Variants in SOX30 observed in about 807,000 individuals in gnomAD.
The protein encoded by SOX30 is SRY-box transcription factor 30.
Under a neutral mutation model 58.6 loss-of-function variants are expected in SOX30, and 17 were observed. The observed-to-expected ratio is 0.29, with a 90% CI of 0.20 to 0.44. The LOEUF (loss-of-function observed/expected upper bound fraction) is 0.44. Among genes scored for constraint, SOX30 ranks in the 20% least tolerant of loss-of-function variants. The pLI is 1.00. For synonymous variants in SOX30, 421 were observed against 400.2 expected, an observed-to-expected ratio of 1.05 and a Z score of -0.62; for missense variants, 951 against 965.8, an observed-to-expected ratio of 0.98 and a Z score of 0.20.
rs200709658 is a variant in SOX30, at chr5:157,644,325, A to AAAAAC, written c.1387+2307_1387+2311dup. Among the ~76,000 whole-genome samples, 591 of 152,302 alleles carry AAAAAC rather than the reference A, an allele frequency of 3.9e-3. 4 individuals carry two copies. Among genetic ancestry groups the AAAAAC allele is most frequent in the African/African-American group, 0.013 (546 of 41,564 alleles). ...GTCACCAGAAATAAGAGATATTGTA[A>AAAAAC]AAAACAAAACAAAAAACTAAGCACA... is the stretch of plus-strand genomic sequence containing the variant. On this transcript the variant is annotated intron_variant, in intron 3 of 4. Coordinates refer to ENST00000265007, the MANE Select transcript of SOX30 (RefSeq NM_178424.2).
intron 1 of SOX30, among the ~76,000 whole-genome samples, chr5:157,668,852 G>T (rs139885661): frequency 6.6e-6 from 1 of 152,294 alleles, no homozygotes; most frequent in East Asian, 1.9e-4. Flanking sequence ...CTGAGCCTGG[G>T]AGTAGGAAGG....
intron 4 of SOX30, among the ~76,000 whole-genome samples, chr5:157,635,607 G>T (rs1758908389): frequency 6.6e-6 from 1 of 151,470 alleles, no homozygotes; most frequent in African/African-American, 2.4e-5. Flanking sequence ...CTGGGTGACA[G>T]AGCAAGACTC....
chr5:157,633,598 T>C (rs1296163041), intron 4 of SOX30, among the ~76,000 whole-genome samples: 1 of 152,232 alleles, frequency 6.6e-6, no homozygotes, highest in Non-Finnish European at 1.5e-5. Flanking sequence ...CAAAAGTTTG[T>C]ATATGTATGC....
intron 2 of SOX30, among the ~76,000 whole-genome samples, chr5:157,667,607 C>T (rs1215009989): frequency 6.6e-6 from 1 of 151,976 alleles, no homozygotes; most frequent in Non-Finnish European, 1.5e-5. Context: ...GGTGGCAGGC[C>T]CCTGTAATCC....
chr5:157,669,754 A>G (rs1367997296), intron 1 of SOX30, among the ~76,000 whole-genome samples: 1 of 151,944 alleles, frequency 6.6e-6, no homozygotes, highest in African/African-American at 2.4e-5. Flanking sequence ...CCTGACCTCA[A>G]GTGATCCGCC....
chr5:157,647,279 T>A (rs1156961702), intron 2 of SOX30, among the ~76,000 whole-genome samples: 1 of 152,114 alleles, frequency 6.6e-6, no homozygotes, highest in Non-Finnish European at 1.5e-5. Flanking sequence ...GCCAGACTGG[T>A]CTTGAACTCC....
chr5:157,627,844 A>G (rs1007009872), intron 4 of SOX30, among the ~76,000 whole-genome samples: 1 of 152,080 alleles, frequency 6.6e-6, no homozygotes, highest in Non-Finnish European at 1.5e-5. Context: ...AATACAAAAA[A>G]TTAGCCAGGC....
intron 3 of SOX30, among the ~76,000 whole-genome samples, chr5:157,641,479 G>A (rs1272577905): frequency 6.6e-6 from 1 of 152,144 alleles, no homozygotes; most frequent in Non-Finnish European, 1.5e-5. Flanking sequence ...CGGGCTTGGT[G>A]GCATGCACCT....
chr5:157,647,604 G>A lies in SOX30; in HGVS notation c.1208-788C>T, dbSNP rs551916331. Reference sequence around the variant, plus strand: ...GAGTCTCACTCTGCCGCCCAGGCTGGAGTGCAGTGGCACGATCTCGGCTCA... The same window carrying A: ...GAGTCTCACTCTGCCGCCCAGGCTGAAGTGCAGTGGCACGATCTCGGCTCA... On this transcript the variant is annotated intron_variant, in intron 2 of 4. Coordinates refer to ENST00000265007, the MANE Select transcript of SOX30 (RefSeq NM_178424.2). 2.6e-4 allele frequency among the ~76,000 whole-genome samples: 39 copies of A among 152,158 alleles called. No homozygotes were observed. The South Asian group carries it at 6.6e-3, about 26-fold the overall frequency.
intron 2 of SOX30, among the ~76,000 whole-genome samples, chr5:157,664,416 T>G (rs1174952470): frequency 1.3e-5 from 2 of 152,212 alleles, no homozygotes; most frequent in Non-Finnish European, 2.9e-5. Flanking sequence ...ACTGGATCCC[T>G]TCCTTACACC....
chr5:157,668,804 C>G (rs957750400), intron 1 of SOX30, among the ~76,000 whole-genome samples: 19 of 152,090 alleles, frequency 1.2e-4, no homozygotes, highest in Admixed American at 6.6e-4. Context: ...ATATAGCTGT[C>G]TTGTGCAGAT....
chr5:157,631,001 T>TTA (rs1160722080), intron 4 of SOX30, among the ~76,000 whole-genome samples: 1 of 126,148 alleles, frequency 7.9e-6, no homozygotes, highest in Non-Finnish European at 1.6e-5. Context: ...TATATATTTT[T>TTA]TATATATATA....
chr5:157,663,400 CA>C (rs1218193083), intron 2 of SOX30, among the ~76,000 whole-genome samples: 1 of 152,172 alleles, frequency 6.6e-6, no homozygotes, highest in African/African-American at 2.4e-5. Context: ...CAAAATTCAA[CA>C]GCCCTTCATG....
intron 3 of SOX30, among the ~76,000 whole-genome samples, chr5:157,643,805 A>G (rs777029972): frequency 2.6e-5 from 4 of 152,196 alleles, no homozygotes; most frequent in Non-Finnish European, 5.9e-5. Context: ...TTGAAACAAC[A>G]AAAAAGTATA....
intron 2 of SOX30, among the ~76,000 whole-genome samples, chr5:157,648,146 C>T (rs757721365): frequency 5.3e-5 from 8 of 152,148 alleles, no homozygotes; most frequent in Non-Finnish European, 8.8e-5. Flanking sequence ...CCAATGTTCC[C>T]ACTGCTAGGG....
At chr5:157,660,053 C>T (rs533223857) in intron 2 of SOX30, among the ~76,000 whole-genome samples, 85 of 152,300 alleles carry the variant, frequency 5.6e-4, no homozygotes, top group Non-Finnish European at 9.0e-4. Flanking sequence ...TGAATTCCAA[C>T]GGGAGGAATG....
At chr5:157,643,450 A>C (rs137869617) in intron 3 of SOX30, among the ~76,000 whole-genome samples, 4 of 151,890 alleles carry the variant, frequency 2.6e-5, no homozygotes, top group Admixed American at 2.0e-4. Context: ...ATATTAAAAA[A>C]TTTTTTTAAA....
Position 157,662,510 on chromosome 5 carries a change from G to A in SOX30, c.52+5288C>T, listed in dbSNP as rs944011551. Among the ~76,000 whole-genome samples the A allele has an allele frequency of 2.0e-5, 3 of 151,936 alleles. No individual in the cohort carries two copies. In the South Asian group the frequency reaches 6.2e-4, roughly 31 times the overall value. On this transcript the variant is annotated intron_variant, in intron 2 of 5. Transcript: ENST00000519442. ...ATATTGCTTTACCTGCATTAATTTT[G>A]ATATGCTCTGATTTTACAGTCATTC...
At chr5:157,638,792 G>GT in intron 3 of SOX30, 70 bp from the exon 4 acceptor site, 2 of 1,484,446 alleles carry the variant, frequency 1.3e-6, no homozygotes, top group Non-Finnish European at 1.8e-6. Context: ...TTTCAGTAAA[G>GT]TTTAATAAAT....
Sources: allele counts gnomAD v4.1 joint callset (sites outside exome capture counted in the v4.1 genomes callset), GRCh38; gene constraint gnomAD v4.1.1; transcripts MANE v1.5; gene names NCBI Gene and HGNC (gene_info 2026-07-23, HGNC 2026-07-21).